NTNG1: variants seen among roughly 807,000 people sequenced by gnomAD.
The protein encoded by NTNG1 is netrin-G1.
Under a neutral mutation model 54.0 loss-of-function variants are expected in NTNG1, and 16 were observed. The observed-to-expected ratio is 0.30, with a 90% CI of 0.20 to 0.45. NTNG1 has a LOEUF of 0.45. Ranked by LOEUF, NTNG1 falls within the 20% of genes least tolerant of loss-of-function variation. The pLI is 1.00. For synonymous variants in NTNG1, 255 were observed against 263.1 expected (o/e 0.97, Z 0.30); for missense variants, 530 against 678.7 (o/e 0.78, Z 2.43).
At chr1:107,391,084 G>C (rs778700246) in intron 3 of NTNG1, among the ~76,000 whole-genome samples, 11 of 152,176 alleles carry the variant, frequency 7.2e-5, no homozygotes, top group Non-Finnish European at 1.5e-4. Flanking sequence ...AAAGAGGTAG[G>C]AATAGGAGAG....
intron 2 of NTNG1, among the ~76,000 whole-genome samples, chr1:107,171,703 T>C (rs1656250725): frequency 6.6e-6 from 1 of 152,112 alleles, no homozygotes; most frequent in African/African-American, 2.4e-5. Flanking sequence ...TCCATTTCTC[T>C]GCCCCTCACA....
At chr1:107,149,213 C>A (rs934497274) in intron 2 of NTNG1, among the ~76,000 whole-genome samples, 1 of 152,172 alleles carries the variant, frequency 6.6e-6, no homozygotes, top group African/African-American at 2.4e-5. Flanking sequence ...GGCAAACCAA[C>A]TTTAAAAACA....
At chr1:107,465,990 G>A (rs1378096987) in intron 7 of NTNG1, among the ~76,000 whole-genome samples, 2 of 152,180 alleles carry the variant, frequency 1.3e-5, no homozygotes, top group African/African-American at 2.4e-5. Flanking sequence ...AAGACAGTAA[G>A]TATATGATCC....
At chr1:107,223,205 G>T (rs929483456) in intron 2 of NTNG1, among the ~76,000 whole-genome samples, 2 of 152,002 alleles carry the variant, frequency 1.3e-5, no homozygotes, top group Non-Finnish European at 2.9e-5. Flanking sequence ...AATGAGAATG[G>T]TATCTACCTT....
chr1:107,444,416 A>G (rs1294701494), intron 7 of NTNG1, among the ~76,000 whole-genome samples: 2 of 152,108 alleles, frequency 1.3e-5, no homozygotes, highest in African/African-American at 4.8e-5. Flanking sequence ...AATGTACTCC[A>G]CAGTAGCATC....
At chr1:107,291,706 A>G (rs1665615325) in intron 2 of NTNG1, among the ~76,000 whole-genome samples, 4 of 152,220 alleles carry the variant, frequency 2.6e-5, no homozygotes, top group Admixed American at 2.0e-4. Flanking sequence ...TGCATTATAT[A>G]AACTTAAAAG....
At chr1:107,299,439 T>C (rs918995055) in intron 2 of NTNG1, among the ~76,000 whole-genome samples, 2 of 152,202 alleles carry the variant, frequency 1.3e-5, no homozygotes, top group African/African-American at 4.8e-5. Context: ...ATCAATGGTG[T>C]AGTGGATTTT....
At chr1:107,254,487 GC>G (rs1375691944) in intron 2 of NTNG1, among the ~76,000 whole-genome samples, 1 of 152,206 alleles carries the variant, frequency 6.6e-6, no homozygotes, top group Non-Finnish European at 1.5e-5. Context: ...TGGCAATGGG[GC>G]TCAAGAGCTC....
intron 2 of NTNG1, among the ~76,000 whole-genome samples, chr1:107,236,897 A>G (rs1263860346): frequency 1.3e-5 from 2 of 152,220 alleles, no homozygotes; most frequent in African/African-American, 4.8e-5. Flanking sequence ...GCCCAGTCTC[A>G]GGTATGTCTT....
intron 2 of NTNG1, among the ~76,000 whole-genome samples, chr1:107,153,147 A>G (rs1654715323): frequency 6.6e-6 from 1 of 152,208 alleles, no homozygotes; most frequent in Admixed American, 6.5e-5. Context: ...CGGAAGTGGT[A>G]CAAAGCCTTT....
At chr1:107,145,875 G>A (rs776683533) in intron 1 of NTNG1, among the ~76,000 whole-genome samples, 1 of 151,968 alleles carries the variant, frequency 6.6e-6, no homozygotes, top group Non-Finnish European at 1.5e-5. Flanking sequence ...ACTTTAATGA[G>A]AATTCGTTAT....
chr1:107,397,774 G>A (rs959271488), intron 4 of NTNG1, among the ~76,000 whole-genome samples: 19 of 147,042 alleles, frequency 1.3e-4, no homozygotes, highest in African/African-American at 4.8e-4. Flanking sequence ...GAAGTATATC[G>A]ACCCTGGCTT....
At position 107,201,854 on chromosome 1, in the gene NTNG1, A is replaced by G. The variant is rs532799598; in HGVS notation, c.246+53015A>G. 2.4e-4 allele frequency among the ~76,000 whole-genome samples: 36 copies of G among 152,038 alleles called. No individual in the cohort carries two copies. The South Asian group carries it at 6.8e-3, about 29-fold the overall frequency. Reference sequence around the variant, plus strand: ...TCCCTTTATTTACAACTATCCTGATATTCAGTTCATTCTTTAAGGAAGAAC... The same window carrying G: ...TCCCTTTATTTACAACTATCCTGATGTTCAGTTCATTCTTTAAGGAAGAAC... On this transcript the variant is annotated intron_variant, in intron 2 of 7. Transcript: ENST00000370068.
intron 2 of NTNG1, among the ~76,000 whole-genome samples, chr1:107,176,437 A>C (rs1656655503): frequency 6.6e-6 from 1 of 152,210 alleles, no homozygotes; most frequent in Admixed American, 6.5e-5. Flanking sequence ...TAAATAACTC[A>C]GTTGCATTCA....
At chr1:107,337,754 C>T (rs1207680878) in intron 3 of NTNG1, among the ~76,000 whole-genome samples, 1 of 151,918 alleles carries the variant, frequency 6.6e-6, no homozygotes, top group African/African-American at 2.4e-5. Context: ...AGTCTTTTCC[C>T]ACTTTTAATG....
chr1:107,236,839 A>C (rs1047737497), intron 2 of NTNG1, among the ~76,000 whole-genome samples: 2 of 152,140 alleles, frequency 1.3e-5, no homozygotes, highest in African/African-American at 4.8e-5. Context: ...AGGCCTCCCC[A>C]GCCATGTGAA....
chr1:107,373,724 G>A (rs1276655252), intron 3 of NTNG1, among the ~76,000 whole-genome samples: 2 of 119,046 alleles, frequency 1.7e-5, no homozygotes, highest in Admixed American at 8.0e-5. Flanking sequence ...CAAGAGACAG[G>A]GTCTCACTCT....
chr1:107,348,469 A>G (rs557196722), intron 3 of NTNG1, among the ~76,000 whole-genome samples: 1 of 152,186 alleles, frequency 6.6e-6, no homozygotes, highest in South Asian at 2.1e-4. Flanking sequence ...CTATTTTACC[A>G]GCTTCCATAT....
intron 3 of NTNG1, among the ~76,000 whole-genome samples, chr1:107,355,978 AC>A (rs1669911255): frequency 6.6e-6 from 1 of 152,162 alleles, no homozygotes; most frequent in Non-Finnish European, 1.5e-5. Flanking sequence ...TGTATTCCAG[AC>A]CACCGTCGTG....
Sources: gnomAD v4.1 joint callset for allele counts (sites outside exome capture counted in the v4.1 genomes callset) on GRCh38, gnomAD v4.1.1 for gene constraint, MANE v1.5 for transcripts, NCBI Gene and HGNC (gene_info 2026-07-23, HGNC 2026-07-21) for gene names.